PXDNL: variants seen among roughly 807,000 people sequenced by gnomAD.
PXDNL encodes peroxidasin like, also known as probable oxidoreductase PXDNL.
In PXDNL, 145 loss-of-function variants were observed where a neutral mutation model predicts 150.8. The observed-to-expected ratio is 0.96, with a 90% CI of 0.84 to 1.10. PXDNL has a LOEUF of 1.10. Among genes scored for constraint, PXDNL ranks in the 50% least tolerant of loss-of-function variants. PXDNL has a pLI of 0.00. For missense variants in PXDNL, 2,087 were observed against 1,873.9 expected, an observed-to-expected ratio of 1.11 and a Z score of -2.10; for synonymous variants, 757 against 725.7, an observed-to-expected ratio of 1.04 and a Z score of -0.69.
chr8:51,716,004 G>T (rs1359577313), intron 1 of PXDNL, among the ~76,000 whole-genome samples: 1 of 152,120 alleles, frequency 6.6e-6, no homozygotes, highest in Non-Finnish European at 1.5e-5. Flanking sequence ...TTATAGATAT[G>T]GATGCTGTAC....
At chr8:51,707,377 G>T (rs1388605360) in intron 1 of PXDNL, among the ~76,000 whole-genome samples, 1 of 152,026 alleles carries the variant, frequency 6.6e-6, no homozygotes, top group Middle Eastern at 3.2e-3. Context: ...TGCACTTAAT[G>T]TATATATTTT....
intron 4 of PXDNL, among the ~76,000 whole-genome samples, chr8:51,550,548 G>A (rs1812456924): frequency 6.6e-6 from 1 of 152,042 alleles, no homozygotes; most frequent in Non-Finnish European, 1.5e-5. Flanking sequence ...CAATAAATGT[G>A]ATACACCACA....
At position 51,453,591 on chromosome 8, in the gene PXDNL, G is replaced by A. The variant is rs923959337; in HGVS notation, c.1177C>T (p.His393Tyr). The A allele has an allele frequency of 6.8e-6, 11 of 1,613,874 alleles. No individual in the cohort carries two copies. The highest frequency in any genetic ancestry group is 1.3e-5 in the African/African-American group (1 of 74,944). Residue 393 changes from histidine (H) to tyrosine (Y), a missense_variant, in exon 10 of 23, where the codon CAT (histidine) becomes TAT (tyrosine). Transcript: ENST00000356297. ...TTGGCATGACAGGTAAATCGACCAT[G>A]ATCCCGTTGTGTGATGTTCTGTAAG... ...LYLQNITQRDHGRFTCHANNS... is the reference protein window; with the variant it reads ...LYLQNITQRDYGRFTCHANNS...
intron 17 of PXDNL, 99 bp from the exon 18 acceptor site, chr8:51,374,830 A>G (rs1563380401): frequency 5.9e-6 from 8 of 1,354,444 alleles, no homozygotes; most frequent in Middle Eastern, 1.8e-4. Context: ...TTATCCACAC[A>G]AAAAAAGAAA....
chr8:51,592,749 C>G, intron 2 of PXDNL, 51 bp from the exon 3 acceptor site: 1 of 1,319,704 alleles, frequency 7.6e-7, no homozygotes, highest in Non-Finnish European at 1.0e-6. Flanking sequence ...ACAGACTCTG[C>G]AAACATTAAA....
At chr8:51,564,348 A>G (rs1020058477) in intron 3 of PXDNL, among the ~76,000 whole-genome samples, 10 of 152,000 alleles carry the variant, frequency 6.6e-5, no homozygotes, top group African/African-American at 2.2e-4. Flanking sequence ...ACTGATTATA[A>G]TACGTAGAAT....
intron 1 of PXDNL, among the ~76,000 whole-genome samples, chr8:51,668,445 G>A (rs1815434912): frequency 1.3e-5 from 2 of 152,056 alleles, no homozygotes; most frequent in South Asian, 4.1e-4. Context: ...AAAGTCCTGG[G>A]ATTACAAGAG....
rs1408836082 is a variant in PXDNL at position 51,475,022 on chromosome 8, C to A, written c.644G>T (p.Arg215Ile). Residue 215 changes from arginine to isoleucine, a missense_variant, in exon 7 of 23, where the codon AGA (arginine) becomes ATA (isoleucine). Arg to Ile is a moderately conservative substitution (Grantham distance 97). Coordinates refer to ENST00000356297, the MANE Select transcript of PXDNL (RefSeq NM_144651.5). ...TGAAGCAACTGCACGCCCATGGAGT[C>A]TCCTGGGATATTCGCAGGTAGCCGC... ...QAAATCEYPRRLHGRAVASVT... is the reference protein window; with the variant it reads ...QAAATCEYPRILHGRAVASVT... The A allele has an allele frequency of 1.9e-6, 3 of 1,611,704 alleles. No homozygotes were observed. Among genetic ancestry groups the A allele is most frequent in the Non-Finnish European group, 2.5e-6 (3 of 1,178,808 alleles).
intron 1 of PXDNL, among the ~76,000 whole-genome samples, chr8:51,793,936 G>A (rs1231197119): frequency 1.3e-5 from 2 of 151,902 alleles, no homozygotes; most frequent in Non-Finnish European, 2.9e-5. Context: ...AGTTACAGGA[G>A]CTGTTGACCA....
intron 14 of PXDNL, among the ~76,000 whole-genome samples, chr8:51,415,465 A>AT (rs1808771412): frequency 1.3e-5 from 2 of 152,244 alleles, no homozygotes; most frequent in South Asian, 4.1e-4. Flanking sequence ...AGGCTACACA[A>AT]TTTTAAACAA....
intron 17 of PXDNL, among the ~76,000 whole-genome samples, chr8:51,383,376 T>C (rs558695526): frequency 6.6e-6 from 1 of 152,278 alleles, no homozygotes; most frequent in East Asian, 1.9e-4. Flanking sequence ...GCGGCATGGT[T>C]TTATGACAGC....
intron 17 of PXDNL, among the ~76,000 whole-genome samples, chr8:51,405,191 G>A (rs1215756816): frequency 6.6e-6 from 1 of 152,120 alleles, no homozygotes; most frequent in South Asian, 2.1e-4. Flanking sequence ...AGAGGGAGCC[G>A]GCTTCCGCCT....
At chr8:51,512,270 A>G (rs989044163) in intron 4 of PXDNL, among the ~76,000 whole-genome samples, 2 of 152,232 alleles carry the variant, frequency 1.3e-5, no homozygotes, top group African/African-American at 4.8e-5. Flanking sequence ...TGTGAAGAGG[A>G]GCAAAGACTG....
In PXDNL at chr8:51,408,442, T is replaced by A; in HGVS notation, c.3182A>T (p.Asn1061Ile). The stretch of plus-strand genomic sequence containing the variant: ...GGCATTCAGTCGGTAAAGAATAGGA[T>A]TGATTAATGTGTGGCCAAATCTAAA... The part of the protein sequence containing the change: ...AAFRFGHTLI[N>I]PILYRLNATL... Residue 1061 changes from asparagine to isoleucine, a missense_variant, in exon 17 of 23, where the codon AAT becomes ATT. Coordinates refer to ENST00000356297, the MANE Select transcript of PXDNL (RefSeq NM_144651.5). The A allele has an allele frequency of 6.2e-7, 1 of 1,614,028 alleles. No homozygotes were observed. The highest frequency in any genetic ancestry group is 8.5e-7 in the Non-Finnish European group (1 of 1,179,888).
chr8:51,374,941 A>G (rs28665895), intron 17 of PXDNL, among the ~76,000 whole-genome samples: 1,539 of 152,280 alleles, frequency 0.01, 18 homozygotes, highest in African/African-American at 0.034. Flanking sequence ...TCATAACCTA[A>G]CCAAGGACAT....
chr8:51,701,147 T>A (rs1816250918), intron 1 of PXDNL, among the ~76,000 whole-genome samples: 1 of 152,152 alleles, frequency 6.6e-6, no homozygotes, highest in Admixed American at 6.6e-5. Context: ...ACATTCAGGA[T>A]ACCAGTTTCT....
At chr8:51,769,808 C>T (rs7008721) in intron 1 of PXDNL, among the ~76,000 whole-genome samples, 21,159 of 152,126 alleles carry the variant, frequency 0.14, 2,678 homozygotes, top group African/African-American at 0.32. Flanking sequence ...TTCTTATAGA[C>T]GGTATCTCTG....
chr8:51,742,703 A>G (rs976223421), intron 1 of PXDNL, among the ~76,000 whole-genome samples: 1 of 152,014 alleles, frequency 6.6e-6, no homozygotes, highest in Admixed American at 6.6e-5. Context: ...TCAGAGAACA[A>G]GATGGCAGAA....
At chr8:51,486,455 T>C (rs943903892) in intron 5 of PXDNL, among the ~76,000 whole-genome samples, 2 of 151,900 alleles carry the variant, frequency 1.3e-5, no homozygotes, top group Admixed American at 6.6e-5. Context: ...CTCAGTCCCT[T>C]TATGTATAAA....
Sources: gnomAD v4.1 joint callset for allele counts (sites outside exome capture counted in the v4.1 genomes callset) on GRCh38, gnomAD v4.1.1 for gene constraint, MANE v1.5 for transcripts, NCBI Gene and HGNC (gene_info 2026-07-23, HGNC 2026-07-21) for gene names.